The following SIMC1 variants were observed in gnomAD, a reference collection of about 807,000 sequenced individuals.
SIMC1 encodes SUMO interacting motifs containing 1, also known as SUMO-interacting motif-containing protein 1.
SIMC1 carries 55 observed loss-of-function variants against 82.3 expected under a neutral mutation model. The observed-to-expected ratio is 0.67, with a 90% confidence interval of 0.54 to 0.84. SIMC1 has a LOEUF of 0.84. Ranked by LOEUF, SIMC1 falls within the 40% of genes least tolerant of loss-of-function variation. The pLI is 0.00. For missense variants in SIMC1, 915 were observed against 1,107.2 expected, an observed-to-expected ratio of 0.83 and a Z score of 2.46; for synonymous variants, 353 against 426.3, an observed-to-expected ratio of 0.83 and a Z score of 2.12.
chr5:176,252,870 G>C (rs1761727218), intron 1 of SIMC1, among the ~76,000 whole-genome samples: 1 of 152,248 alleles, frequency 6.6e-6, no homozygotes, highest in Non-Finnish European at 1.5e-5. Context: ...GAGTGAACGA[G>C]ACTCCGTCTG....
intron 1 of SIMC1, among the ~76,000 whole-genome samples, chr5:176,284,194 C>CTCTCCACCCCAAA (rs1158469897): frequency 1.3e-5 from 2 of 152,200 alleles, no homozygotes; most frequent in Non-Finnish European, 1.5e-5. Flanking sequence ...ATCTACAGAA[C>CTCTCCACCCCAAA]TCTCCACCCC....
At chr5:176,264,585 C>G (rs1762127651) in intron 1 of SIMC1, among the ~76,000 whole-genome samples, 1 of 151,670 alleles carries the variant, frequency 6.6e-6, no homozygotes, top group Admixed American at 6.6e-5. Context: ...TTCTAGGCCT[C>G]TAGGCCTTTT....
At chr5:176,272,497 C>T (rs1289039690) in intron 1 of SIMC1, among the ~76,000 whole-genome samples, 2 of 152,170 alleles carry the variant, frequency 1.3e-5, no homozygotes, top group Non-Finnish European at 2.9e-5. Flanking sequence ...GGAACAGCTC[C>T]AGTCTACAGC....
chr5:176,344,645 G>A (rs996718570), intron 9 of SIMC1, among the ~76,000 whole-genome samples: 4 of 152,270 alleles, frequency 2.6e-5, no homozygotes, highest in East Asian at 3.9e-4. Flanking sequence ...CACGTTTTAC[G>A]TGGCCACAGC....
At chr5:176,305,652 A>C (rs1764310738) in intron 4 of SIMC1, among the ~76,000 whole-genome samples, 2 of 110,540 alleles carry the variant, frequency 1.8e-5, no homozygotes, top group African/African-American at 3.7e-5. Flanking sequence ...GGCTGCCCCT[A>C]CTGGGAAGTG....
intron 9 of SIMC1, among the ~76,000 whole-genome samples, chr5:176,341,925 A>G (rs1305034866): frequency 3.9e-5 from 6 of 152,180 alleles, no homozygotes; most frequent in Non-Finnish European, 4.4e-5. Context: ...AACAACTCTT[A>G]TCCCTACCGA....
rs770686176 is a variant in SIMC1, at chr5:176,294,580, C to CT, written c.1432-437dup. ...AGGCATGAGCCACTGCACCCGTCCT[C>CT]TTTTTTTTTTTTTAATCATGAAATA... On this transcript the variant is annotated intron_variant, in intron 2 of 9. Coordinates refer to ENST00000429602, the MANE Select transcript of SIMC1 (RefSeq NM_001308195.2). Among the ~76,000 whole-genome samples the CT allele has an allele frequency of 5.3e-3, 765 of 143,504 alleles. 5 individuals carry two copies. The highest frequency in any genetic ancestry group is 0.02 in the South Asian group (90 of 4,518). 94.1% of individuals were successfully genotyped at this position (143,504 alleles called of 152,430 possible). A position where few individuals can be genotyped will look rare whatever the true frequency, so the allele number is the denominator to read the frequency against.
intron 1 of SIMC1, among the ~76,000 whole-genome samples, chr5:176,255,577 CT>C (rs57239326): frequency 0.18 from 24,752 of 134,240 alleles, 2,359 homozygotes; most frequent in Middle Eastern, 0.26. Flanking sequence ...GTGAGACTGT[CT>C]TTTTTTTTTT....
In SIMC1 at chr5:176,290,948, C is replaced by G. The variant is rs111647964; in HGVS notation, c.1424C>G (p.Thr475Arg). Residue 475 changes from threonine (T) to arginine (R), a missense_variant, in exon 2 of 10, where the codon ACA (threonine) becomes AGA (arginine). Physicochemically the swap from Thr to Arg is moderately conservative, Grantham distance 71 (BLOSUM62 -1). Transcript: ENST00000429602. ...CAGACGCTAATACCGGATAAAGACA[C>G]AAGAGAGGTGAGCTAACATCTTCCC... ...FFQTLIPDKD[T>R]RENKGQKLEP... is the part of the protein sequence containing the mutation. 7.0e-4 allele frequency: 1,112 copies of G among 1,580,726 alleles called. 10 individuals carry two copies. In the African/African-American group the frequency reaches 0.014, roughly 20 times the overall value.
intron 9 of SIMC1, among the ~76,000 whole-genome samples, chr5:176,341,522 C>T (rs1358102149): frequency 6.6e-6 from 1 of 152,164 alleles, no homozygotes; most frequent in East Asian, 1.9e-4. Flanking sequence ...GGCAGAGGGC[C>T]AGAGGGGCCA....
chr5:176,336,598 C>T (rs1765905902), intron 7 of SIMC1, 122 bp from the exon 8 acceptor site: 2 of 1,351,300 alleles, frequency 1.5e-6, no homozygotes, highest in Non-Finnish European at 2.0e-6. Context: ...TGTGGGCTTC[C>T]ATGGTATTCC....
intron 4 of SIMC1, among the ~76,000 whole-genome samples, chr5:176,297,683 A>G (rs1225201072): frequency 6.6e-6 from 1 of 152,194 alleles, no homozygotes; most frequent in Non-Finnish European, 1.5e-5. Context: ...TGGCTAAAAC[A>G]AATTACTTAG....
chr5:176,344,289 G>A (rs1010788870), intron 9 of SIMC1, among the ~76,000 whole-genome samples: 1 of 152,078 alleles, frequency 6.6e-6, no homozygotes, highest in African/African-American at 2.4e-5. Context: ...TTTTTTAAGA[G>A]TCCAGGCCAG....
chr5:176,260,018 A>G (rs1044646502), intron 1 of SIMC1, among the ~76,000 whole-genome samples: 2 of 148,770 alleles, frequency 1.3e-5, no homozygotes, highest in African/African-American at 4.9e-5. Context: ...TTTATATATA[A>G]TTAGTATATA....
intron 1 of SIMC1, among the ~76,000 whole-genome samples, chr5:176,276,501 G>C (rs970499128): frequency 1.3e-5 from 2 of 149,548 alleles, no homozygotes; most frequent in African/African-American, 4.9e-5. Flanking sequence ...CATTGTGCAG[G>C]TTAGTTACAT....
intron 4 of SIMC1, among the ~76,000 whole-genome samples, chr5:176,305,188 G>GT (rs1166797464): frequency 1.9e-5 from 1 of 51,710 alleles, no homozygotes; most frequent in Non-Finnish European, 4.6e-5. Context: ...CGGGAGGGAG[G>GT]TGGGGGGTCA....
At chr5:176,251,431 T>A (rs899356556) in intron 1 of SIMC1, among the ~76,000 whole-genome samples, 2 of 152,170 alleles carry the variant, frequency 1.3e-5, no homozygotes, top group African/African-American at 4.8e-5. Context: ...TTCCTTTCCA[T>A]ATTTAGTGCT....
chr5:176,268,682 G>A (rs1762302893), intron 1 of SIMC1, among the ~76,000 whole-genome samples: 1 of 152,142 alleles, frequency 6.6e-6, no homozygotes, highest in Admixed American at 6.5e-5. Flanking sequence ...AATACATGAA[G>A]CAAACAACTG....
intron 5 of SIMC1, 116 bp from the exon 6 acceptor site, chr5:176,322,157 G>GAC: frequency 8.2e-7 from 1 of 1,223,690 alleles, no homozygotes; most frequent in Non-Finnish European, 1.1e-6. Context: ...CCCAGGTTAA[G>GAC]GCTATAGTTC....
Sources: gnomAD v4.1 joint callset for allele counts (sites outside exome capture counted in the v4.1 genomes callset) on GRCh38, gnomAD v4.1.1 for gene constraint, MANE v1.5 for transcripts, NCBI Gene and HGNC (gene_info 2026-07-23, HGNC 2026-07-21) for gene names.